The following GRID1 variants were observed in gnomAD, a reference collection of about 807,000 sequenced individuals.
GRID1 encodes glutamate receptor ionotropic, delta-1.
A neutral mutation model predicts 98.0 loss-of-function variants in GRID1; 28 were observed. The observed-to-expected ratio is 0.29, with a 90% CI of 0.21 to 0.39. The LOEUF (loss-of-function observed/expected upper bound fraction) is 0.39. Among genes scored for constraint, GRID1 ranks in the 10% least tolerant of loss-of-function variants. The pLI is 1.00. For missense variants in GRID1, 1,111 were observed against 1,340.5 expected (o/e 0.83, Z 2.67); for synonymous variants, 553 against 538.5 (o/e 1.03, Z -0.37).
At chr10:86,090,543 T>C (rs1328778482) in intron 4 of GRID1, among the ~76,000 whole-genome samples, 2 of 145,996 alleles carry the variant, frequency 1.4e-5, no homozygotes, top group Non-Finnish European at 3.0e-5. Flanking sequence ...AAAAAAAAGA[T>C]CTAACATTTG....
chr10:86,059,031 G>A (rs1161728119), intron 4 of GRID1, among the ~76,000 whole-genome samples: 2 of 152,228 alleles, frequency 1.3e-5, no homozygotes, highest in African/African-American at 4.8e-5. Context: ...AGTCACCAGA[G>A]ATGGATATGA....
intron 3 of GRID1, among the ~76,000 whole-genome samples, chr10:86,191,067 AC>A (rs1224713493): frequency 1.3e-5 from 2 of 152,314 alleles, no homozygotes; most frequent in South Asian, 4.1e-4. Flanking sequence ...GCTGAATCGC[AC>A]AATAAGCATC....
intron 4 of GRID1, among the ~76,000 whole-genome samples, chr10:86,095,700 A>AT (rs971655462): frequency 7.9e-5 from 12 of 151,882 alleles, no homozygotes; most frequent in African/African-American, 2.4e-4. Context: ...ATAAAAAAAA[A>AT]TTTTTTTAAA....
chr10:85,686,945 T>A (rs1197204370), intron 12 of GRID1, among the ~76,000 whole-genome samples: 1 of 152,022 alleles, frequency 6.6e-6, no homozygotes, highest in African/African-American at 2.4e-5. Context: ...AAAGAAGAAA[T>A]ATACATTCAT....
intron 4 of GRID1, among the ~76,000 whole-genome samples, chr10:86,107,436 C>T (rs1844408182): frequency 6.6e-6 from 1 of 152,318 alleles, no homozygotes; most frequent in Admixed American, 6.5e-5. Flanking sequence ...GTGGCCCAAA[C>T]CTTGGCCTAG....
At chr10:86,342,192 G>A (rs1261851742) in intron 2 of GRID1, among the ~76,000 whole-genome samples, 1 of 152,122 alleles carries the variant, frequency 6.6e-6, no homozygotes, top group Admixed American at 6.5e-5. Context: ...TCAGGAGCAG[G>A]GATGAGAGGG....
chr10:86,180,043 C>T (rs182616451), intron 3 of GRID1, among the ~76,000 whole-genome samples: 230 of 152,308 alleles, frequency 1.5e-3, no homozygotes, highest in Non-Finnish European at 2.8e-3. Context: ...CAACCTATGG[C>T]AGAAGCCAAG....
rs138574856 is a variant in GRID1 at position 85,696,165 on chromosome 10, G to C, written c.1997+26838C>G. On this transcript the variant is annotated intron_variant, in intron 12 of 15. Coordinates refer to ENST00000327946, the MANE Select transcript of GRID1 (RefSeq NM_017551.3). ...GCTAAGCATTGGTTCTACAATAGGG[G>C]AAATACAAATTCAGTCCTTAGATCC... is the stretch of plus-strand genomic sequence containing the variant. Among the ~76,000 whole-genome samples the C allele has an allele frequency of 4.3e-3, 656 of 152,190 alleles. 5 individuals carry two copies. Among genetic ancestry groups the C allele is most frequent in the African/African-American group, 0.014 (579 of 41,526 alleles).
chr10:86,234,185 C>T (rs1050109278), intron 2 of GRID1, among the ~76,000 whole-genome samples: 3 of 152,200 alleles, frequency 2.0e-5, no homozygotes. Flanking sequence ...GGCAGAAATG[C>T]TCCATCCCCC....
Position 85,632,891 on chromosome 10 carries a change from A to G in GRID1, c.2194-12858T>C, listed in dbSNP as rs191887258. Reference sequence around the variant, plus strand: ...TCTGATGCCATCCCTCCATCCCCCAATAGGCCCCAGTGTGTGTTGTTCCCT... The same window carrying G: ...TCTGATGCCATCCCTCCATCCCCCAGTAGGCCCCAGTGTGTGTTGTTCCCT... On this transcript the variant is annotated intron_variant, in intron 13 of 15. Coordinates refer to ENST00000327946, the MANE Select transcript of GRID1 (RefSeq NM_017551.3). Among the ~76,000 whole-genome samples the G allele has an allele frequency of 2.7e-3, 405 of 152,228 alleles. 2 individuals carry two copies. Among genetic ancestry groups the G allele is most frequent in the African/African-American group, 9.4e-3 (390 of 41,538 alleles).
intron 13 of GRID1, among the ~76,000 whole-genome samples, chr10:85,629,246 C>T (rs558848300): frequency 1.4e-4 from 21 of 152,250 alleles, no homozygotes; most frequent in African/African-American, 4.3e-4. Context: ...AAAATTTGTA[C>T]GAATTTAAAG....
At chr10:86,343,610 A>G (rs539222181) in intron 2 of GRID1, among the ~76,000 whole-genome samples, 21 of 152,348 alleles carry the variant, frequency 1.4e-4, no homozygotes, top group Admixed American at 1.0e-3. Flanking sequence ...TCTGCTGGGC[A>G]TACACAGCCT....
At chr10:85,889,755 A>G (rs557881492) in intron 5 of GRID1, among the ~76,000 whole-genome samples, 11 of 152,314 alleles carry the variant, frequency 7.2e-5, no homozygotes, top group Admixed American at 1.3e-4. Context: ...AGAAACCTCT[A>G]TACTGTTTTC....
intron 4 of GRID1, among the ~76,000 whole-genome samples, chr10:86,028,537 T>C (rs1000844286): frequency 6.6e-6 from 1 of 152,196 alleles, no homozygotes; most frequent in Non-Finnish European, 1.5e-5. Flanking sequence ...TCTTTAGATA[T>C]TGGAATCTTT....
At chr10:86,323,551 C>G (rs1468568828) in intron 2 of GRID1, among the ~76,000 whole-genome samples, 2 of 152,212 alleles carry the variant, frequency 1.3e-5, no homozygotes, top group Non-Finnish European at 1.5e-5. Flanking sequence ...ACCACAAACC[C>G]TCTTGGAAAG....
At chr10:86,095,987 A>T (rs1243234016) in intron 4 of GRID1, among the ~76,000 whole-genome samples, 1 of 152,240 alleles carries the variant, frequency 6.6e-6, no homozygotes, top group East Asian at 1.9e-4. Context: ...CAATGAGTGG[A>T]TAAAGAAACT....
At chr10:85,988,362 T>C (rs181504738) in intron 4 of GRID1, among the ~76,000 whole-genome samples, 28 of 152,336 alleles carry the variant, frequency 1.8e-4, no homozygotes, top group African/African-American at 6.3e-4. Context: ...GAATGAAATA[T>C]AAGGATGAAT....
chr10:86,243,993 T>C (rs1277194777), intron 2 of GRID1, among the ~76,000 whole-genome samples: 1 of 152,220 alleles, frequency 6.6e-6, no homozygotes, highest in Non-Finnish European at 1.5e-5. Context: ...GTGTGCACTG[T>C]GTGTACACAT....
chr10:85,658,371 G>T (rs1185338411), intron 12 of GRID1, among the ~76,000 whole-genome samples: 1 of 152,100 alleles, frequency 6.6e-6, no homozygotes. Flanking sequence ...ATTGAACCCT[G>T]GCAATAGCCC....
Sources: gnomAD v4.1 joint callset for allele counts (sites outside exome capture counted in the v4.1 genomes callset) on GRCh38, gnomAD v4.1.1 for gene constraint, MANE v1.5 for transcripts, NCBI Gene and HGNC (gene_info 2026-07-23, HGNC 2026-07-21) for gene names.